VWA5B2: variants seen among roughly 807,000 people sequenced by gnomAD.
The protein encoded by VWA5B2 is von Willebrand factor A domain-containing protein 5B2.
Under a neutral mutation model 118.5 loss-of-function variants are expected in VWA5B2, and 93 were observed. That is an observed-to-expected ratio of 0.79 (90% CI 0.66 to 0.93). The LOEUF is 0.93. Among genes scored for constraint, VWA5B2 ranks in the 40% least tolerant of loss-of-function variants. The pLI is 0.00. For synonymous variants in VWA5B2, 708 were observed against 716.3 expected (o/e 0.99, Z 0.19); for missense variants, 1,546 against 1,672.8 (o/e 0.92, Z 1.32).
Position 184,237,209 on chromosome 3 carries a change from G to T in VWA5B2, c.1534-17G>T, listed in dbSNP as rs1044421098. 4 of 1,548,282 alleles carry T rather than the reference G, an allele frequency of 2.6e-6. No homozygotes were observed. The highest frequency in any genetic ancestry group is 3.5e-6 in the Non-Finnish European group (4 of 1,144,672). On this transcript the variant is annotated splice_polypyrimidine_tract_variant and intron_variant, in intron 11 of 19. Coordinates refer to ENST00000691901, the MANE Select transcript of VWA5B2 (RefSeq NM_001390846.1). This position sits in a 1 kb window ranked among gnomAD's most constrained non-coding sequence, Gnocchi z 5.6. The stretch of plus-strand genomic sequence containing the variant: ...CCTCTTTCCTTCCCATGTCTTCCCT[G>T]TGGCCACTCCCCACAGCTGGTACAG...
At chr3:184,231,081 C>A (rs1319447972) in intron 3 of VWA5B2, among the ~76,000 whole-genome samples, 164 bp downstream of exon 3, 1 of 152,260 alleles carries the variant, frequency 6.6e-6, no homozygotes, top group Non-Finnish European at 1.5e-5. Flanking sequence ...ACCTGACCTG[C>A]GCCAGGTGCT....
chr3:184,236,400 C>T lies in VWA5B2; in HGVS notation c.1270C>T (p.Pro424Ser). The change falls in exon 10 of 20, where the codon CCA becomes TCA. Residue 424 changes from proline to serine, a missense_variant. By Grantham distance (74) the Pro-to-Ser change is moderately conservative. Coordinates refer to ENST00000691901, the MANE Select transcript of VWA5B2 (RefSeq NM_001390846.1). Reference sequence around the variant, plus strand: ...GACCCTGCAGGTTCCGAGTGGGCCCCCAGACGTGCTGGCTGCTCTGGACTG... The same window carrying T: ...GACCCTGCAGGTTCCGAGTGGGCCCTCAGACGTGCTGGCTGCTCTGGACTG... ...IETLQVPSGP[P>S]DVLAALDWAV... The T allele has an allele frequency of 1.3e-6, 2 of 1,546,308 alleles. No individual in the cohort carries two copies. The highest frequency in any genetic ancestry group is 1.7e-6 in the Non-Finnish European group (2 of 1,144,474).
chr3:184,234,324 A>G lies in VWA5B2; in HGVS notation c.747A>G (p.Ala249=). 6.4e-7 allele frequency: 1 copy of G among 1,551,714 alleles called. No individual in the cohort carries two copies. The highest frequency in any genetic ancestry group is 1.2e-5 in the South Asian group (1 of 84,070). The change falls in exon 6 of 20, where the codon GCA becomes GCG. Residue 249 remains alanine, a synonymous_variant. Coordinates refer to ENST00000691901, the MANE Select transcript of VWA5B2 (RefSeq NM_001390846.1). The part of the protein sequence containing the change: ...RADAPPHASS[A]ATICVTLAEG... ...ATGCCCCCCCTCATGCCAGCTCTGC[A>G]GCCACCATCTGTGTCACACTGGCAG...
Position 184,241,279 on chromosome 3 carries a change from G to C in VWA5B2, c.3055G>C (p.Gly1019Arg). 1 of 1,551,408 alleles carries C rather than the reference G, an allele frequency of 6.4e-7. No homozygotes were observed. The change falls in exon 19 of 20, where the codon GGT becomes CGT. Residue 1019 changes from glycine to arginine, a missense_variant. Gly to Arg is a moderately radical substitution (Grantham distance 125). Transcript: ENST00000691901. This position sits in a 1 kb window ranked among gnomAD's most constrained non-coding sequence, Gnocchi z 5.1. ...GGGGGACCCTGCCACTCCCACGGAA[G>C]GTCCTCGCCGCCCACCTCCCCGTCC... Reference protein sequence around the residue: ...ALGDPATPTEGPRRPPPRPPC... With the variant: ...ALGDPATPTERPRRPPPRPPC...
chr3:184,230,918 G>T lies in VWA5B2; in HGVS notation c.310+1G>T, dbSNP rs963879152. 2.5e-5 allele frequency: 30 copies of T among 1,214,596 alleles called. No homozygotes were observed. Among genetic ancestry groups the T allele is most frequent in the Non-Finnish European group, 3.1e-5 (30 of 977,048 alleles). 75.2% of individuals were successfully genotyped at this position (1,214,596 alleles called of 1,614,324 possible). On this transcript the variant is annotated splice_donor_variant, in intron 3 of 19. Transcript: ENST00000691901. LOFTEE classifies it high-confidence loss of function. Reference sequence around the variant, plus strand: ...CCGACGCCCCGCCGCTGCGCGCAGGGTGAGTTCCGCGCGCCCGCACCCGCG... The same window carrying T: ...CCGACGCCCCGCCGCTGCGCGCAGGTTGAGTTCCGCGCGCCCGCACCCGCG...
Position 184,230,383 on chromosome 3 carries a change from C to A in VWA5B2, c.-146C>A. ...CCCCGCCACCTGTCGCCCTCAGGAG[C>A]TCCCGCTCGGCCTCGCGCCCCGGCA... On this transcript the variant is annotated 5_prime_UTR_variant, in exon 2 of 20. Transcript: ENST00000691901. 9.8e-7 allele frequency: 1 copy of A among 1,015,502 alleles called. No homozygotes were observed. Among genetic ancestry groups the A allele is most frequent in the South Asian group, 2.6e-5 (1 of 38,988 alleles). The allele number at this position is 1,015,502 out of a possible 1,614,324, so 62.9% of individuals were successfully genotyped here. A position where few individuals can be genotyped will look rare whatever the true frequency, so the allele number is the denominator to read the frequency against.
chr3:184,230,986 G>C, intron 3 of VWA5B2, 69 bp downstream of exon 3: 1 of 1,202,788 alleles, frequency 8.3e-7, no homozygotes, highest in Admixed American at 4.4e-5. Context: ...CATCCGCTCG[G>C]CCTCCGCCCG....
Position 184,239,893 on chromosome 3 carries a change from C to G in VWA5B2, c.2597C>G (p.Pro866Arg), listed in dbSNP as rs1328727436. The change falls in exon 16 of 20, where the codon CCT becomes CGT. Residue 866 changes from proline to arginine, a missense_variant. Pro to Arg is a moderately radical substitution (Grantham distance 103). Coordinates refer to ENST00000691901, the MANE Select transcript of VWA5B2 (RefSeq NM_001390846.1). The surrounding 1 kb of genome is among the most constrained non-coding windows in gnomAD (Gnocchi z 5.1). The part of the protein sequence containing the change: ...VGVGLETLWG[P>R]GDGSQPPSPP... ...GTTGGGCTGGAGACACTGTGGGGAC[C>G]TGGAGATGGCTCACAGCCTCCCTCA... 1 of 1,551,638 alleles carries G rather than the reference C, an allele frequency of 6.4e-7. No individual in the cohort carries two copies. The highest frequency in any genetic ancestry group is 1.2e-5 in the South Asian group (1 of 84,048).
At position 184,241,718 on chromosome 3, in the gene VWA5B2, C is replaced by T. The variant is rs1056719288; in HGVS notation, c.3409C>T (p.Pro1137Ser). The change falls in exon 20 of 20, where the codon CCA becomes TCA. Residue 1137 changes from proline to serine, a missense_variant. Coordinates refer to ENST00000691901, the MANE Select transcript of VWA5B2 (RefSeq NM_001390846.1). This position sits in a 1 kb window ranked among gnomAD's most constrained non-coding sequence, Gnocchi z 5.1. ...SPSPSSGSEG[P>S]GQVDSGRGSD... ...GTCCCCCAGCTCGGGCTCTGAGGGG[C>T]CAGGCCAGGTGGACAGTGGGCGGGG... 21 of 1,503,878 alleles carry T rather than the reference C, an allele frequency of 1.4e-5. No individual in the cohort carries two copies. The highest frequency in any genetic ancestry group is 1.7e-5 in the Non-Finnish European group (19 of 1,128,678). The allele number at this position is 1,503,878 out of a possible 1,614,324, so 93.2% of individuals were successfully genotyped here. A position where few individuals can be genotyped will look rare whatever the true frequency, so the allele number is the denominator to read the frequency against.
At position 184,233,216 on chromosome 3, in the gene VWA5B2, T is replaced by G; in HGVS notation, c.349T>G (p.Leu117Val). Reference sequence around the variant, plus strand: ...GGATCTGGCCCAGGCCCGGTCCACGTTGGTGCTGCCCACAGGCATTATCGC... The same window carrying G: ...GGATCTGGCCCAGGCCCGGTCCACGGTGGTGCTGCCCACAGGCATTATCGC... ...VLDLAQARST[L>V]VLPTGIIAAA... Residue 117 changes from leucine to valine, a missense_variant, in exon 4 of 20, where the codon TTG (leucine) becomes GTG (valine). This residue lies in a region of VWA5B2 where 775 missense variants were observed against 882.3 expected (regional missense o/e 0.88). Coordinates refer to ENST00000691901, the MANE Select transcript of VWA5B2 (RefSeq NM_001390846.1). The surrounding 1 kb of genome is among the most constrained non-coding windows in gnomAD (Gnocchi z 5.2). 1 of 1,550,988 alleles carries G rather than the reference T, an allele frequency of 6.4e-7. No homozygotes were observed. The highest frequency in any genetic ancestry group is 8.7e-7 in the Non-Finnish European group (1 of 1,146,886).
Position 184,236,264 on chromosome 3 carries a change from T to C in VWA5B2, c.1212+2T>C. 1 of 1,551,762 alleles carries C rather than the reference T, an allele frequency of 6.4e-7. No homozygotes were observed. The highest frequency in any genetic ancestry group is 1.2e-5 in the South Asian group (1 of 84,064). On this transcript the variant is annotated splice_donor_variant, in intron 9 of 19. Transcript: ENST00000691901. LOFTEE classifies it high-confidence loss of function. ...CCAGAGAGCCGGCCTTGCAGTGATG[T>C]GAGTGTGGTCCAGGGATCTGGGGGC...
rs541656602 is a variant in VWA5B2, at chr3:184,241,659, G to T, written c.3350G>T (p.Gly1117Val). 81 of 1,535,144 alleles carry T rather than the reference G, an allele frequency of 5.3e-5. No homozygotes were observed. The highest frequency in any genetic ancestry group is 7.0e-5 in the Non-Finnish European group (80 of 1,143,970). Residue 1117 changes from glycine (G) to valine (V), a missense_variant, in exon 20 of 20, where the codon GGC becomes GTC. Gly to Val is a moderately radical substitution (Grantham distance 109, BLOSUM62 -3). This residue lies in a region of VWA5B2 where 763 missense variants were observed against 766.6 expected (regional missense o/e 1.00). Coordinates refer to ENST00000691901, the MANE Select transcript of VWA5B2 (RefSeq NM_001390846.1). The surrounding 1 kb of genome is among the most constrained non-coding windows in gnomAD (Gnocchi z 5.1). ...TGGGCACTTCTGGGCCCTGGTGTTG[G>T]CCAGGGTGACAGTGCCACGGCCTCC... ...LPWALLGPGV[G>V]QGDSATASCS...
chr3:184,241,795 G>GCGGGGC lies in VWA5B2; in HGVS notation c.3490_3495dup (p.Gly1164_Arg1165dup). The GCGGGGC allele has an allele frequency of 6.7e-7, 1 of 1,498,846 alleles. No individual in the cohort carries two copies. The highest frequency in any genetic ancestry group is 8.9e-7 in the Non-Finnish European group (1 of 1,125,916). The allele number at this position is 1,498,846 out of a possible 1,614,324, so 92.8% of individuals were successfully genotyped here. On this transcript the variant is annotated inframe_insertion, in exon 20 of 20. Coordinates refer to ENST00000691901, the MANE Select transcript of VWA5B2 (RefSeq NM_001390846.1). The surrounding 1 kb of genome is among the most constrained non-coding windows in gnomAD (Gnocchi z 5.1). ...CGGAAGGGCTGGGCGGCACCGACCT[G>GCGGGGC]CGGGGCCGGACCTGGGCCACTGCCG...
At chr3:184,240,232 T>C (rs1718433586) in intron 16 of VWA5B2, among the ~76,000 whole-genome samples, 196 bp downstream of exon 16, 1 of 152,136 alleles carries the variant, frequency 6.6e-6, no homozygotes, top group Non-Finnish European at 1.5e-5. Flanking sequence ...TGAGGTTATA[T>C]TAAAGGTGCA....
intron 3 of VWA5B2, among the ~76,000 whole-genome samples, chr3:184,231,120 C>G (rs1215176651): frequency 1.3e-5 from 2 of 152,234 alleles, no homozygotes; most frequent in African/African-American, 4.8e-5. Context: ...GGTTCACAGC[C>G]TGGGAGACAG....
At position 184,241,010 on chromosome 3, in the gene VWA5B2, A is replaced by G. The variant is rs1256513653; in HGVS notation, c.2879-14A>G. ...CCTGGACAAACCTGACTCCTGTCCC[A>G]TGTGCCCCTGCAGAGCCCGCTGAGC... On this transcript the variant is annotated splice_polypyrimidine_tract_variant and intron_variant, in intron 17 of 19. Coordinates refer to ENST00000691901, the MANE Select transcript of VWA5B2 (RefSeq NM_001390846.1). The surrounding 1 kb of genome is among the most constrained non-coding windows in gnomAD (Gnocchi z 5.1). 7.1e-6 allele frequency: 11 copies of G among 1,551,356 alleles called. No homozygotes were observed. The highest frequency in any genetic ancestry group is 9.6e-6 in the Non-Finnish European group (11 of 1,146,942).
chr3:184,240,837 C>A lies in VWA5B2; in HGVS notation c.2787C>A (p.Val929=). ...TTCGAGCCCTTCAGACAAGTAAGGT[C>A]AGCTCTGCCCCCTCCTGCTTCACTT... ...CWLRALQTSK[V]SSAPSCFTCP... The change falls in exon 17 of 20, where the codon GTC becomes GTA. Residue 929 remains valine, a synonymous_variant. Coordinates refer to ENST00000691901, the MANE Select transcript of VWA5B2 (RefSeq NM_001390846.1). 2 of 1,551,684 alleles carry A rather than the reference C, an allele frequency of 1.3e-6. No individual in the cohort carries two copies. Among genetic ancestry groups the A allele is most frequent in the African/African-American group, 2.7e-5 (2 of 73,166 alleles).
In VWA5B2 at chr3:184,230,708, C is replaced by T. The variant is rs1460240671; in HGVS notation, c.140-39C>T. 1.4e-5 allele frequency: 17 copies of T among 1,221,340 alleles called. No individual in the cohort carries two copies. The East Asian group carries it at 5.4e-4, about 39-fold the overall frequency. 75.7% of individuals were successfully genotyped at this position (1,221,340 alleles called of 1,614,324 possible). On this transcript the variant is annotated intron_variant, in intron 2 of 19. Coordinates refer to ENST00000691901, the MANE Select transcript of VWA5B2 (RefSeq NM_001390846.1). ...GGCGCGGGCGCGGCGGGGGGTGCGC[C>T]GGGCAGGGTCCGACGCCGCCTCCCG...
Position 184,234,642 on chromosome 3 carries a change from C to T in VWA5B2, c.832C>T (p.Pro278Ser). 5.8e-6 allele frequency: 9 copies of T among 1,551,366 alleles called. No homozygotes were observed. Among genetic ancestry groups the T allele is most frequent in the Non-Finnish European group, 7.8e-6 (9 of 1,146,966 alleles). The change falls in exon 7 of 20, where the codon CCA (proline) becomes TCA (serine). Residue 278 changes from proline to serine, a missense_variant. Physicochemically the swap from Pro to Ser is moderately conservative, Grantham distance 74. Transcript: ENST00000691901. ...TCCTCTCCTCTCAGAGCCCCATCAG[C>T]CACACCTGATGCTGGAGGGCGGCAG... ...ILLHPSEPHQ[P>S]HLMLEGGSLS...
Sources: gnomAD v4.1 joint callset for allele counts (sites outside exome capture counted in the v4.1 genomes callset) on GRCh38, gnomAD v4.1.1 for gene constraint, gnomAD v4.1.1 regional missense constraint, Gnocchi (gnomAD v3.1) non-coding constraint, MANE v1.5 for transcripts, NCBI Gene and HGNC (gene_info 2026-07-23, HGNC 2026-07-21) for gene names.